Variants in BCAR3 observed in about 807,000 individuals in gnomAD.
BCAR3 encodes breast cancer anti-estrogen resistance protein 3.
Under a neutral mutation model 80.1 loss-of-function variants are expected in BCAR3, and 37 were observed. That is an observed-to-expected ratio of 0.46 (90% CI 0.36 to 0.61). The LOEUF is 0.61. BCAR3 is among the 20% of genes least tolerant of loss of function. BCAR3 has a pLI of 0.00. For missense variants in BCAR3, 978 were observed against 1,068.2 expected (o/e 0.92, Z 1.18); for synonymous variants, 389 against 418.9 (o/e 0.93, Z 0.87).
chr1:93,569,515 G>A (rs1358774463), intron 9 of BCAR3, among the ~76,000 whole-genome samples: 1 of 152,254 alleles, frequency 6.6e-6, no homozygotes, highest in Non-Finnish European at 1.5e-5. Context: ...AGAAGCCTCT[G>A]GGTCTGGGCT....
Position 93,567,294 on chromosome 1 carries a change from C to T in BCAR3, c.2284G>A (p.Glu762Lys), listed in dbSNP as rs762201005. 5 of 1,614,086 alleles carry T rather than the reference C, an allele frequency of 3.1e-6. No individual in the cohort carries two copies. The Admixed American group carries it at 6.7e-5, about 22-fold the overall frequency. ...EAADSYRMNAERILAGFQPDE... is the reference protein window; with the variant it reads ...EAADSYRMNAKRILAGFQPDE... Reference sequence around the variant, plus strand: ...CATCTCTTACCTGCCAGGATCCTCTCAGCATTCATCCGGTAGCTGTCTGCA... The same window carrying T: ...CATCTCTTACCTGCCAGGATCCTCTTAGCATTCATCCGGTAGCTGTCTGCA... The change falls in exon 11 of 12, where the codon GAG (glutamate) becomes AAG (lysine). Residue 762 changes from glutamate (E) to lysine (K), a missense_variant. Coordinates refer to ENST00000260502, the MANE Select transcript of BCAR3 (RefSeq NM_003567.4).
At chr1:93,821,264 A>C (rs1654210795) in intron 2 of BCAR3, among the ~76,000 whole-genome samples, 7 of 152,000 alleles carry the variant, frequency 4.6e-5, no homozygotes, top group Admixed American at 4.6e-4. Context: ...TGAAGTTCAG[A>C]GATTAGAGGA....
chr1:93,752,501 T>A (rs1365593114), intron 2 of BCAR3, among the ~76,000 whole-genome samples: 1 of 152,236 alleles, frequency 6.6e-6, no homozygotes, highest in East Asian at 1.9e-4. Context: ...CACATGTCAA[T>A]CGGTTGTGAA....
At chr1:93,679,374 G>T (rs1338260005) in intron 1 of BCAR3, among the ~76,000 whole-genome samples, 1 of 152,082 alleles carries the variant, frequency 6.6e-6, no homozygotes, top group African/African-American at 2.4e-5. Context: ...GGAAGGATGG[G>T]GAGGGAAACG....
chr1:93,829,929 C>CTCCTTGG lies in BCAR3; in HGVS notation c.-63+15631_-63+15637dup, dbSNP rs1439563734. ...TCTCATGAATGGTTTATCACCATCC[C>CTCCTTGG]TCCTTGGTACTGTATAATGATAGAG... is the stretch of plus-strand genomic sequence containing the variant. On this transcript the variant is annotated intron_variant, in intron 2 of 13. Coordinates refer to the BCAR3 transcript ENST00000370244. 5.3e-5 allele frequency among the ~76,000 whole-genome samples: 8 copies of CTCCTTGG among 152,232 alleles called. No homozygotes were observed. The East Asian group carries it at 1.5e-3, about 29-fold the overall frequency.
chr1:93,695,038 CCCCTCG>C (rs1232177959), intron 3 of BCAR3, among the ~76,000 whole-genome samples: 1 of 152,186 alleles, frequency 6.6e-6, no homozygotes, highest in Non-Finnish European at 1.5e-5. Flanking sequence ...TGCCCACATT[CCCCTCG>C]CCCTCCCACA....
intron 2 of BCAR3, among the ~76,000 whole-genome samples, chr1:93,728,547 A>G (rs181143711): frequency 2.2e-4 from 34 of 152,244 alleles, no homozygotes; most frequent in Admixed American, 2.2e-3. Flanking sequence ...AATGAGTGCA[A>G]GGTTTTATTG....
intron 2 of BCAR3, among the ~76,000 whole-genome samples, chr1:93,808,842 T>G (rs1181892523): frequency 6.6e-6 from 1 of 152,232 alleles, no homozygotes; most frequent in Non-Finnish European, 1.5e-5. Context: ...GGTAGGGACA[T>G]TGGTTCCATA....
intron 2 of BCAR3, among the ~76,000 whole-genome samples, chr1:93,651,467 T>C (rs1409437527): frequency 6.6e-6 from 1 of 152,126 alleles, no homozygotes; most frequent in Non-Finnish European, 1.5e-5. Context: ...CAAGAAAACA[T>C]TTATTGAGCA....
At chr1:93,720,102 G>A (rs1297003254) in intron 2 of BCAR3, 1 of 152,172 alleles carries the variant, frequency 6.6e-6, no homozygotes, top group Non-Finnish European at 1.5e-5. Flanking sequence ...GATTTGTGAA[G>A]CTCTCAAAGA....
intron 3 of BCAR3, among the ~76,000 whole-genome samples, chr1:93,603,021 A>T (rs1557856056): frequency 6.6e-6 from 1 of 152,276 alleles, no homozygotes; most frequent in Non-Finnish European, 1.5e-5. Flanking sequence ...ATCCAAAGAT[A>T]AATGAAGAAA....
At chr1:93,753,154 C>G (rs1031201012) in intron 2 of BCAR3, 4 of 152,202 alleles carry the variant, frequency 2.6e-5, no homozygotes, top group Non-Finnish European at 2.9e-5. Context: ...TTGTCTCTAC[C>G]TACTGTGAAG....
intron 2 of BCAR3, among the ~76,000 whole-genome samples, chr1:93,763,701 C>T (rs887485840): frequency 3.3e-5 from 5 of 152,200 alleles, no homozygotes; most frequent in Admixed American, 3.3e-4. Context: ...TTTTCACTTG[C>T]CCACATGCAG....
intron 8 of BCAR3, among the ~76,000 whole-genome samples, chr1:93,573,614 T>TATTATTATTA (rs1302169180): frequency 4.7e-4 from 66 of 141,240 alleles, no homozygotes; most frequent in Middle Eastern, 3.6e-3. Context: ...ATATTTTTAT[T>TATTATTATTA]ATTATTATTA....
intron 2 of BCAR3, among the ~76,000 whole-genome samples, chr1:93,832,387 C>T (rs578111844): frequency 6.6e-6 from 1 of 152,328 alleles, no homozygotes; most frequent in East Asian, 1.9e-4. Flanking sequence ...CCTGCGATTC[C>T]TCCTAAGCCA....
At position 93,584,109 on chromosome 1, in the gene BCAR3, C is replaced by T; in HGVS notation, c.942G>A (p.Lys314=). 6.2e-7 allele frequency: 1 copy of T among 1,613,974 alleles called. No homozygotes were observed. Among genetic ancestry groups the T allele is most frequent in the Non-Finnish European group, 8.5e-7 (1 of 1,179,956 alleles). The change falls in exon 6 of 12, where the codon AAG becomes AAA. Residue 314 remains lysine, a synonymous_variant. Coordinates refer to ENST00000260502, the MANE Select transcript of BCAR3 (RefSeq NM_003567.4). ...PRGNLLRNKE[K]SGSQPACLDH... ...CCAGGCAGGCGGGCTGGCTACCACTCTTTTCTTTGTTTCTGAAGTAAAAGA... is the reference window on the plus strand; with the variant it reads ...CCAGGCAGGCGGGCTGGCTACCACTTTTTTCTTTGTTTCTGAAGTAAAAGA...
chr1:93,583,818 T>C (rs1298986827), intron 6 of BCAR3, among the ~76,000 whole-genome samples, 200 bp downstream of exon 6: 1 of 152,204 alleles, frequency 6.6e-6, no homozygotes, highest in Non-Finnish European at 1.5e-5. Context: ...GAAGGCTTGC[T>C]ACGAGGCCTA....
At chr1:93,687,206 T>A (rs1649006103) in intron 3 of BCAR3, among the ~76,000 whole-genome samples, 1 of 152,236 alleles carries the variant, frequency 6.6e-6, no homozygotes, top group Non-Finnish European at 1.5e-5. Context: ...TAAATAAATA[T>A]AATCCCCTGG....
At chr1:93,588,277 C>T (rs540869463) in intron 5 of BCAR3, among the ~76,000 whole-genome samples, 2 of 152,108 alleles carry the variant, frequency 1.3e-5, no homozygotes, top group Non-Finnish European at 2.9e-5. Flanking sequence ...TCCAATGTGC[C>T]CTCCTCTGAC....
Sources: allele counts gnomAD v4.1 joint callset (sites outside exome capture counted in the v4.1 genomes callset), GRCh38; gene constraint gnomAD v4.1.1; transcripts MANE v1.5; gene names NCBI Gene and HGNC (gene_info 2026-07-23, HGNC 2026-07-21).